CHPF2: variants seen among roughly 807,000 people sequenced by gnomAD.
CHPF2 encodes the protein chondroitin polymerizing factor 2, non-catalytic subunit.
Under a neutral mutation model 63.0 loss-of-function variants are expected in CHPF2, and 58 were observed. The observed-to-expected ratio is 0.92, with a 90% CI of 0.75 to 1.15. CHPF2 has a LOEUF of 1.15. Ranked by LOEUF, CHPF2 falls within the 50% of genes most tolerant of loss-of-function variation. The pLI, the probability that CHPF2 is intolerant of heterozygous loss-of-function variation, is 0.00. For missense variants in CHPF2, 1,045 were observed against 1,035.4 expected (o/e 1.01, Z -0.13); for synonymous variants, 442 against 438.0 (o/e 1.01, Z -0.11).
Position 151,237,689 on chromosome 7 carries a change from G to T in CHPF2, c.1327G>T (p.Glu443Ter), listed in dbSNP as rs771916480. 2.5e-6 allele frequency: 4 copies of T among 1,613,108 alleles called. No homozygotes were observed. The highest frequency in any genetic ancestry group is 3.4e-6 in the Non-Finnish European group (4 of 1,179,924). ...YRRFDPARGMEYTLDLLLECV... is the reference protein window; with the variant it reads ...YRRFDPARGM ...GCGCTTCGACCCAGCACGGGGCATG[G>T]AGTACACCCTGGACCTGCTGTTGGA... Residue 443 changes from glutamate to a stop codon, truncating the protein, a stop_gained, in exon 4 of 4, where the codon GAG becomes TAG. Transcript: ENST00000035307. LOFTEE classifies it high-confidence loss of function.
Position 151,236,501 on chromosome 7 carries a change from G to A in CHPF2, c.922G>A (p.Val308Ile). The change falls in exon 3 of 4, where the codon GTC (valine) becomes ATC (isoleucine). Residue 308 changes from valine to isoleucine, a missense_variant. By Grantham distance (29) the Val-to-Ile change is conservative (BLOSUM62 3). Transcript: ENST00000035307. ...CCTGAGTGCCTTCGCCGTGCACCCTGTCTCCGAAGGTACCCTCATGTACCG... is the reference window on the plus strand; with the variant it reads ...CCTGAGTGCCTTCGCCGTGCACCCTATCTCCGAAGGTACCCTCATGTACCG... ...AFLSAFAVHPVSEGTLMYRLH... is the reference protein window; with the variant it reads ...AFLSAFAVHPISEGTLMYRLH... The A allele has an allele frequency of 6.2e-7, 1 of 1,611,502 alleles. No homozygotes were observed. The highest frequency in any genetic ancestry group is 8.5e-7 in the Non-Finnish European group (1 of 1,177,928).
In CHPF2 at chr7:151,234,172, A is replaced by T. The variant is rs1171370103; in HGVS notation, c.161A>T (p.Asn54Ile). The T allele has an allele frequency of 6.2e-7, 1 of 1,613,802 alleles. No homozygotes were observed. The stretch of plus-strand genomic sequence containing the variant: ...GTAGGGGAGCGAGGAGGGCCACAGA[A>T]TCCAGATTCCAGAGCTCGGCTAGAC... ...EAVGERGGPQ[N>I]PDSRARLDQS... The change falls in exon 1 of 4, where the codon AAT becomes ATT. Residue 54 changes from asparagine (N) to isoleucine (I), a missense_variant. By Grantham distance (149) the Asn-to-Ile change is moderately radical (BLOSUM62 -3). Coordinates refer to ENST00000035307, the MANE Select transcript of CHPF2 (RefSeq NM_019015.3).
Position 151,238,491 on chromosome 7 carries a change from G to A in CHPF2, c.2129G>A (p.Arg710Gln), listed in dbSNP as rs200733440. The change falls in exon 4 of 4, where the codon CGG becomes CAG. Residue 710 changes from arginine to glutamine, a missense_variant. Arg to Gln is a conservative substitution (Grantham distance 43, BLOSUM62 1). Transcript: ENST00000035307. Reference protein sequence around the residue: ...EGLEVMDVFLRFSGLHLFRAV... With the variant: ...EGLEVMDVFLQFSGLHLFRAV... ...CTGGAGGTGATGGATGTTTTCCTCC[G>A]GTTCTCAGGGCTCCACCTCTTTCGG... The A allele has an allele frequency of 1.9e-5, 30 of 1,593,780 alleles. No homozygotes were observed. In the East Asian group the frequency reaches 3.9e-4, roughly 21 times the overall value.
chr7:151,232,693 C>T lies in CHPF2; in HGVS notation c.-1319C>T. The T allele has an allele frequency of 1.4e-6, 2 of 1,447,470 alleles. No homozygotes were observed. Among genetic ancestry groups the T allele is most frequent in the Non-Finnish European group, 1.8e-6 (2 of 1,086,102 alleles). The allele number at this position is 1,447,470 out of a possible 1,614,324, so 89.7% of individuals were successfully genotyped here. ...GTCCTTTATCCGGTGTCCGCCGGCC[C>T]CCGGCCCTGAAACCCGGGCCTCCTC... On this transcript the variant is annotated 5_prime_UTR_variant, in exon 1 of 4. Transcript: ENST00000035307.
At position 151,232,925 on chromosome 7, in the gene CHPF2, C is replaced by T. The variant is rs758139656; in HGVS notation, c.-1087C>T. On this transcript the variant is annotated 5_prime_UTR_variant, in exon 1 of 4. Transcript: ENST00000035307. ...GCCCGGTGACGTGGCCAGTTTATTT[C>T]TGTTTTGAGACGAACGGCGAAGACT... 6.8e-5 allele frequency: 92 copies of T among 1,350,160 alleles called. No individual in the cohort carries two copies. The highest frequency in any genetic ancestry group is 8.5e-5 in the Non-Finnish European group (90 of 1,053,786). 83.6% of individuals were successfully genotyped at this position (1,350,160 alleles called of 1,614,324 possible).
In CHPF2 at chr7:151,235,481, C is replaced by T. The variant is rs56366346; in HGVS notation, c.697C>T (p.Arg233Trp). 63 of 1,611,736 alleles carry T rather than the reference C, an allele frequency of 3.9e-5. No individual in the cohort carries two copies. Among genetic ancestry groups the T allele is most frequent in the East Asian group, 6.7e-5 (3 of 44,884 alleles). Reference protein sequence around the residue: ...CHGGFGYLLSRSLLLRLRPHL... With the variant: ...CHGGFGYLLSWSLLLRLRPHL... ...TGGGGGCTTTGGCTACCTGTTGTCA[C>T]GGAGTCTCCTGCTTCGTCTGCGGCC... is the stretch of plus-strand genomic sequence containing the variant. Residue 233 changes from arginine (R) to tryptophan (W), a missense_variant, in exon 2 of 4, where the codon CGG becomes TGG. Arg to Trp is a moderately radical substitution (Grantham distance 101). Transcript: ENST00000035307.
In CHPF2 at chr7:151,237,666, G is replaced by A. The variant is rs150356232; in HGVS notation, c.1304G>A (p.Arg435His). The change falls in exon 4 of 4, where the codon CGC becomes CAC. Residue 435 changes from arginine to histidine, a missense_variant. Transcript: ENST00000035307. ...CAGCGACTGCTCAACGGCTATCGGC[G>A]CTTCGACCCAGCACGGGGCATGGAG... is the stretch of plus-strand genomic sequence containing the variant. ...QKQRLLNGYR[R>H]FDPARGMEYT... 8 of 1,613,070 alleles carry A rather than the reference G, an allele frequency of 5.0e-6. No homozygotes were observed. The African/African-American group carries it at 5.3e-5, about 11-fold the overall frequency.
Position 151,233,666 on chromosome 7 carries a change from T to C in CHPF2, c.-346T>C. 3 of 1,036,800 alleles carry C rather than the reference T, an allele frequency of 2.9e-6. No homozygotes were observed. The highest frequency in any genetic ancestry group is 3.5e-6 in the Non-Finnish European group (3 of 864,342). 64.2% of individuals were successfully genotyped at this position (1,036,800 alleles called of 1,614,324 possible). A position where few individuals can be genotyped will look rare whatever the true frequency, so the allele number is the denominator to read the frequency against. On this transcript the variant is annotated 5_prime_UTR_variant, in exon 1 of 4. Coordinates refer to ENST00000035307, the MANE Select transcript of CHPF2 (RefSeq NM_019015.3). The stretch of plus-strand genomic sequence containing the variant: ...CTGCAGATGTGTGTAGTGTTCCTTT[T>C]TGGGTTAGCTTTGGCAGTATTGAGT...
At position 151,235,420 on chromosome 7, in the gene CHPF2, G is replaced by C. The variant is rs1449721180; in HGVS notation, c.636G>C (p.Glu212Asp). 6.8e-6 allele frequency: 11 copies of C among 1,612,776 alleles called. No homozygotes were observed. In the East Asian group the frequency reaches 2.2e-4, roughly 33 times the overall value. Reference protein sequence around the residue: ...NQDLYLGRAEEFIGAGEQARY... With the variant: ...NQDLYLGRAEDFIGAGEQARY... ...ACCTGTACTTAGGCCGGGCAGAGGAGTTCATTGGCGCAGGCGAGCAGGCCC... is the reference window on the plus strand; with the variant it reads ...ACCTGTACTTAGGCCGGGCAGAGGACTTCATTGGCGCAGGCGAGCAGGCCC... The change falls in exon 2 of 4, where the codon GAG (glutamate) becomes GAC (aspartate). Residue 212 changes from glutamate to aspartate, a missense_variant. Coordinates refer to ENST00000035307, the MANE Select transcript of CHPF2 (RefSeq NM_019015.3).
chr7:151,238,124 A>G lies in CHPF2; in HGVS notation c.1762A>G (p.Thr588Ala), dbSNP rs1563635981. Residue 588 changes from threonine to alanine, a missense_variant, in exon 4 of 4, where the codon ACT (threonine) becomes GCT (alanine). Coordinates refer to ENST00000035307, the MANE Select transcript of CHPF2 (RefSeq NM_019015.3). ...DVVSKKHPVD[T>A]LFFLTTVWTR... ...GGTCTCGAAGAAGCACCCTGTGGACACTCTCTTCTTCCTTACCACCGTGTG... is the reference window on the plus strand; with the variant it reads ...GGTCTCGAAGAAGCACCCTGTGGACGCTCTCTTCTTCCTTACCACCGTGTG... 2 of 1,612,120 alleles carry G rather than the reference A, an allele frequency of 1.2e-6. No individual in the cohort carries two copies. The highest frequency in any genetic ancestry group is 1.7e-5 in the Admixed American group (1 of 60,012).
chr7:151,234,337 T>C, intron 1 of CHPF2, 63 bp downstream of exon 1: 2 of 1,288,058 alleles, frequency 1.6e-6, no homozygotes. Context: ...GTGTAAATCC[T>C]TGCCTCTGCC....
Position 151,237,930 on chromosome 7 carries a change from T to C in CHPF2, c.1568T>C (p.Leu523Pro), listed in dbSNP as rs893079230. The change falls in exon 4 of 4, where the codon CTC becomes CCC. Residue 523 changes from leucine (L) to proline (P), a missense_variant. Coordinates refer to ENST00000035307, the MANE Select transcript of CHPF2 (RefSeq NM_019015.3). ...NVLEPREHAL[L>P]TLLLVYGPRE... The stretch of plus-strand genomic sequence containing the variant: ...CTGGAGCCACGAGAACATGCATTGC[T>C]CACCCTGTTGCTGGTCTACGGGCCA... The C allele has an allele frequency of 1.9e-6, 3 of 1,612,934 alleles. No homozygotes were observed. The highest frequency in any genetic ancestry group is 1.7e-6 in the Non-Finnish European group (2 of 1,180,034).
intron 2 of CHPF2, 129 bp downstream of exon 2, chr7:151,235,741 T>C: frequency 1.1e-6 from 1 of 883,736 alleles, no homozygotes; most frequent in Non-Finnish European, 1.7e-6. Context: ...CTGTGGGCCC[T>C]CCGTTGCTCA....
intron 3 of CHPF2, chr7:151,236,886 A>G (rs942587055): frequency 1.2e-5 from 7 of 565,348 alleles, no homozygotes; most frequent in Non-Finnish European, 2.3e-5. Flanking sequence ...CAGACAGAAT[A>G]GTTTTAGCTC....
At position 151,238,631 on chromosome 7, in the gene CHPF2, G is replaced by A. The variant is rs1802785051; in HGVS notation, c.2269G>A (p.Ala757Thr). ...LSNLEGLGGR[A>T]QLAMALFEQE... is the part of the protein sequence containing the mutation. Reference sequence around the variant, plus strand: ...CAACCTGGAGGGGCTAGGGGGCCGTGCCCAGCTGGCTATGGCTCTCTTTGA... The same window carrying A: ...CAACCTGGAGGGGCTAGGGGGCCGTACCCAGCTGGCTATGGCTCTCTTTGA... The change falls in exon 4 of 4, where the codon GCC becomes ACC. Residue 757 changes from alanine (A) to threonine (T), a missense_variant. Ala to Thr is a moderately conservative substitution (Grantham distance 58). Transcript: ENST00000035307. 1.2e-6 allele frequency: 2 copies of A among 1,611,484 alleles called. No homozygotes were observed. The highest frequency in any genetic ancestry group is 2.2e-5 in the South Asian group (2 of 90,956).
intron 3 of CHPF2, 70 bp from the exon 4 acceptor site, chr7:151,237,304 G>T: frequency 7.9e-7 from 1 of 1,262,642 alleles, no homozygotes; most frequent in Non-Finnish European, 1.1e-6. Context: ...GAATCTCAGA[G>T]CCCAGGCAGC....
chr7:151,237,251 C>G (rs1802691195), intron 3 of CHPF2, 123 bp from the exon 4 acceptor site: 2 of 675,454 alleles, frequency 3.0e-6, no homozygotes. Context: ...GCAAGGGACC[C>G]CTCACTAAGT....
At position 151,236,544 on chromosome 7, in the gene CHPF2, G is replaced by A; in HGVS notation, c.965G>A (p.Ser322Asn). 1 of 1,604,284 alleles carries A rather than the reference G, an allele frequency of 6.2e-7. No homozygotes were observed. The highest frequency in any genetic ancestry group is 8.5e-7 in the Non-Finnish European group (1 of 1,172,624). Residue 322 changes from serine (S) to asparagine (N), a missense_variant, in exon 3 of 4, where the codon AGC becomes AAC. Physicochemically the swap from Ser to Asn is conservative, Grantham distance 46. Transcript: ENST00000035307. ...TLMYRLHKRF[S>N]ALELERAYSE... Reference sequence around the variant, plus strand: ...ATGTACCGGCTCCACAAACGCTTCAGCGCTCTGGAGTTGGAGCGGGCTTAC... The same window carrying A: ...ATGTACCGGCTCCACAAACGCTTCAACGCTCTGGAGTTGGAGCGGGCTTAC...
In CHPF2 at chr7:151,238,683, C is replaced by T. The variant is rs2150587067; in HGVS notation, c.*2C>T. 6.2e-7 allele frequency: 1 copy of T among 1,607,216 alleles called. No individual in the cohort carries two copies. Among genetic ancestry groups the T allele is most frequent in the Admixed American group, 1.7e-5 (1 of 59,346 alleles). On this transcript the variant is annotated 3_prime_UTR_variant, in exon 4 of 4. Coordinates refer to ENST00000035307, the MANE Select transcript of CHPF2 (RefSeq NM_019015.3). ...CAGGAGCAGGCCAATAGCACTTAGC[C>T]CGCCTGGGGGCCCTAACCTCATTAC...
Sources: allele counts gnomAD v4.1 joint callset, GRCh38; gene constraint gnomAD v4.1.1; transcripts MANE v1.5; gene names NCBI Gene and HGNC (gene_info 2026-07-23, HGNC 2026-07-21).